The following RTEL1 variants were observed in gnomAD, a reference collection of about 807,000 sequenced individuals.
RTEL1 encodes regulator of telomere length.
RTEL1 carries 86 observed loss-of-function variants against 162.2 expected under a neutral mutation model. That is an observed-to-expected ratio of 0.53 (90% confidence interval 0.45 to 0.63). The LOEUF (loss-of-function observed/expected upper bound fraction) is 0.63, where lower values mean the gene tolerates loss of function less well. RTEL1 is among the 30% of genes least tolerant of loss of function. RTEL1 has a pLI of 0.00. For synonymous variants in RTEL1, 958 were observed against 717.9 expected, an observed-to-expected ratio of 1.33 and a Z score of -5.35; for missense variants, 1,941 against 1,750.2, an observed-to-expected ratio of 1.11 and a Z score of -1.95.
In RTEL1 at chr20:63,691,828, C is replaced by T; in HGVS notation, c.2643C>T (p.Val881=). The T allele has an allele frequency of 6.2e-7, 1 of 1,610,666 alleles. No individual in the cohort carries two copies. Among genetic ancestry groups the T allele is most frequent in the Non-Finnish European group, 8.5e-7 (1 of 1,179,606 alleles). Residue 881 remains valine (V), a synonymous_variant, in exon 28 of 35, where the codon GTC becomes GTT. Transcript: ENST00000360203. ...PRGGRKKIRL[V]SHPEEPVAGA... ...GAGGGAGGAAGAAGATCCGGCTGGT[C>T]AGCCACCCGGTGCGTGAGCTGTCCC...
chr20:63,663,856 T>C lies in RTEL1; in HGVS notation c.538+967T>C, dbSNP rs1208178788. On this transcript the variant is annotated intron_variant, in intron 6 of 34. Coordinates refer to ENST00000360203, the MANE Select transcript of RTEL1 (RefSeq NM_001283009.2). ...AGGACCCTGAAGCTGCTCTTGTATT[T>C]AGGGCGGCGCTCCCCTGGCAGAGAC... Among the ~76,000 whole-genome samples the C allele has an allele frequency of 3.9e-5, 6 of 152,242 alleles. 1 individual carries two copies. In the South Asian group the frequency reaches 8.3e-4, roughly 21 times the overall value.
chr20:63,688,107 G>A (rs753272533), intron 18 of RTEL1, 32 bp from the exon 19 acceptor site: 1 of 1,612,370 alleles, frequency 6.2e-7, no homozygotes, highest in African/African-American at 1.3e-5. Flanking sequence ...ACTGAGGCCT[G>A]AGGTCCTGAG....
Position 63,661,511 on chromosome 20 carries a change from C to T in RTEL1, c.301+15C>T, listed in dbSNP as rs532341610. ...AGACCCCATAGGTGACCCTAGTTCC[C>T]AGGCCTCTCCTGGCCTCCTGTGGGG... On this transcript the variant is annotated intron_variant, in intron 3 of 34. Transcript: ENST00000360203. This position sits in a 1 kb window ranked among gnomAD's most constrained non-coding sequence, Gnocchi z 5.1. 203 of 1,603,296 alleles carry T rather than the reference C, an allele frequency of 1.3e-4. 4 individuals carry two copies. In the South Asian group the frequency reaches 2.1e-3, roughly 17 times the overall value.
chr20:63,690,929 G>C lies in RTEL1; in HGVS notation c.2538G>C (p.Gly846=), dbSNP rs1437612513. The C allele has an allele frequency of 1.9e-6, 3 of 1,554,594 alleles. No individual in the cohort carries two copies. Among genetic ancestry groups the C allele is most frequent in the African/African-American group, 2.7e-5 (2 of 73,428 alleles). The change falls in exon 27 of 35, where the codon GGG becomes GGC. Residue 846 remains glycine, a synonymous_variant. Transcript: ENST00000360203. The stretch of plus-strand genomic sequence containing the variant: ...TGGAGCACAGCGAACAGCGGGCGGG[G>C]AGCCCTGGCGAGGAGCAGGTACAGT... ...AALEHSEQRA[G]SPGEEQAHSC... is the part of the protein sequence containing the mutation.
chr20:63,687,587 C>CCCCAGT, intron 16 of RTEL1, 51 bp from the exon 17 acceptor site: 8 of 1,542,650 alleles, frequency 5.2e-6, no homozygotes, highest in Non-Finnish European at 6.1e-6. Flanking sequence ...GTGGTCAGGC[C>CCCCAGT]CCCAGTCCCG....
At chr20:63,665,639 C>T (rs1295693341) in intron 6 of RTEL1, among the ~76,000 whole-genome samples, 1 of 151,206 alleles carries the variant, frequency 6.6e-6, no homozygotes, top group Non-Finnish European at 1.5e-5. Context: ...TGGGTTGGGG[C>T]GATAGGCTGA....
Position 63,678,327 on chromosome 20 carries a change from G to A in RTEL1, c.1018G>A (p.Gly340Ser), listed in dbSNP as rs145845927. ...DAVELPGDDS[G>S]VTKPGSYIFE... ...TGTTGAGCTGCCTGGAGACGACAGC[G>A]GTGTCACCAAGCCAGGGAGGTGAGA... Residue 340 changes from glycine (G) to serine (S), a missense_variant, in exon 12 of 35, where the codon GGT (glycine) becomes AGT (serine). Coordinates refer to ENST00000360203, the MANE Select transcript of RTEL1 (RefSeq NM_001283009.2). 3.0e-4 allele frequency: 479 copies of A among 1,612,696 alleles called. 3 individuals are homozygous for A. The highest frequency in any genetic ancestry group is 3.3e-4 in the Middle Eastern group (2 of 5,980).
At chr20:63,692,729 C>A in intron 28 of RTEL1, 76 bp from the exon 29 acceptor site, 1 of 1,425,946 alleles carries the variant, frequency 7.0e-7, no homozygotes, top group Non-Finnish European at 9.7e-7. Context: ...GCTCAATGTT[C>A]CAAGGAAGGC....
chr20:63,663,127 T>C, intron 6 of RTEL1: 2 of 585,914 alleles, frequency 3.4e-6, no homozygotes, highest in Non-Finnish European at 6.1e-6. Context: ...CCTGGGGCCT[T>C]GGATTTTGGG....
At chr20:63,665,491 G>A (rs1397562044) in intron 6 of RTEL1, among the ~76,000 whole-genome samples, 5 of 152,220 alleles carry the variant, frequency 3.3e-5, no homozygotes, top group Non-Finnish European at 7.3e-5. Context: ...GCTGCAGAGG[G>A]GAGTGGGCCA....
intron 14 of RTEL1, chr20:63,682,768 G>A: frequency 1.2e-6 from 1 of 865,704 alleles, no homozygotes; most frequent in Non-Finnish European, 1.4e-6. Flanking sequence ...GATGTGGGAT[G>A]CACAGCTCAG....
intron 14 of RTEL1, among the ~76,000 whole-genome samples, chr20:63,683,224 C>G (rs2090513573): frequency 6.6e-6 from 1 of 152,230 alleles, no homozygotes; most frequent in African/African-American, 2.4e-5. Context: ...CCTTGGCCTC[C>G]CAAAGTGCTG....
rs182341448 is a variant in RTEL1 at position 63,682,806 on chromosome 20, G to A, written c.1191+2087G>A. On this transcript the variant is annotated intron_variant, in intron 14 of 34. Transcript: ENST00000360203. The stretch of plus-strand genomic sequence containing the variant: ...GGAGGCGAACTCCAGGCAGGGTCAG[G>A]CCGTGTGCTCGGAAGTCAGGGCTTA... The A allele has an allele frequency of 1.1e-4, 70 of 649,408 alleles. No homozygotes were observed. In the African/African-American group the frequency reaches 1.3e-3, roughly 12 times the overall value. The allele number at this position is 649,408 out of a possible 1,614,324, so 40.2% of individuals were successfully genotyped here.
intron 14 of RTEL1, among the ~76,000 whole-genome samples, chr20:63,684,447 G>A (rs995282014): frequency 7.2e-5 from 11 of 151,960 alleles, no homozygotes; most frequent in East Asian, 3.9e-4. Flanking sequence ...TCCGCCTCCC[G>A]GGTTCACGCC....
At chr20:63,678,663 A>ACT (rs1178131207) in intron 12 of RTEL1, among the ~76,000 whole-genome samples, 3 of 26,980 alleles carry the variant, frequency 1.1e-4, no homozygotes, top group Admixed American at 3.5e-4. Context: ...CAGCACACAC[A>ACT]CCCACGGAAC....
At chr20:63,684,616 T>A (rs1051534972) in intron 14 of RTEL1, among the ~76,000 whole-genome samples, 3 of 152,144 alleles carry the variant, frequency 2.0e-5, no homozygotes, top group African/African-American at 7.2e-5. Flanking sequence ...GTGCTGGGAT[T>A]ACAGGCATGA....
At chr20:63,680,826 C>A in intron 14 of RTEL1, 107 bp downstream of exon 14, 1 of 1,546,790 alleles carries the variant, frequency 6.5e-7, no homozygotes, top group Non-Finnish European at 8.9e-7. Flanking sequence ...GGGAGAAAGG[C>A]CCCTACACCA....
chr20:63,667,045 T>C (rs955329807), intron 7 of RTEL1, among the ~76,000 whole-genome samples: 8 of 149,846 alleles, frequency 5.3e-5, no homozygotes, highest in African/African-American at 1.5e-4. Flanking sequence ...TTCACCGTGT[T>C]AGCCAGGATG....
rs184311516 is a variant in RTEL1 at position 63,680,005 on chromosome 20, C to T, written c.1135+59C>T. The T allele has an allele frequency of 3.0e-5, 38 of 1,262,352 alleles. No individual in the cohort carries two copies. In the African/African-American group the frequency reaches 5.0e-4, roughly 17 times the overall value. 78.2% of individuals were successfully genotyped at this position (1,262,352 alleles called of 1,614,324 possible). On this transcript the variant is annotated intron_variant, in intron 13 of 34. Coordinates refer to ENST00000360203, the MANE Select transcript of RTEL1 (RefSeq NM_001283009.2). ...AATGTGGCGTAGGGGGTGCAGCAGG[C>T]CTCCATCTTGGCAGTCAGGGCTCCC...
Sources: allele counts gnomAD v4.1 joint callset (sites outside exome capture counted in the v4.1 genomes callset), GRCh38; gene constraint gnomAD v4.1.1; non-coding constraint Gnocchi (gnomAD v3.1); transcripts MANE v1.5; gene names NCBI Gene and HGNC (gene_info 2026-07-23, HGNC 2026-07-21).